The following NFX1 variants were observed in gnomAD, a reference collection of about 807,000 sequenced individuals.
NFX1 encodes nuclear transcription factor, X-box binding 1, also known as transcriptional repressor NF-X1.
In NFX1, 69 loss-of-function variants were observed where a neutral mutation model predicts 137.2. The ratio of observed to expected loss-of-function variants is 0.50; its 90% CI spans 0.41 to 0.61. The LOEUF is 0.61. Among genes scored for constraint, NFX1 ranks in the 20% least tolerant of loss-of-function variants. The pLI is 0.00. For synonymous variants in NFX1, 495 were observed against 474.1 expected (o/e 1.04, Z -0.57); for missense variants, 1,167 against 1,391.0 (o/e 0.84, Z 2.56).
chr9:33,335,875 ATTCC>A (rs1822984447), intron 11 of NFX1, among the ~76,000 whole-genome samples: 1 of 152,210 alleles, frequency 6.6e-6, no homozygotes. Context: ...TCAGCACTTC[ATTCC>A]TTTTTATGAT....
intron 2 of NFX1, among the ~76,000 whole-genome samples, chr9:33,297,447 G>A (rs1056646269): frequency 6.6e-6 from 1 of 152,186 alleles, no homozygotes; most frequent in East Asian, 1.9e-4. Context: ...ATTACCTCTT[G>A]CTTTATAGTG....
intron 6 of NFX1, among the ~76,000 whole-genome samples, chr9:33,312,810 G>A (rs1225397955): frequency 6.6e-6 from 1 of 152,222 alleles, no homozygotes; most frequent in Non-Finnish European, 1.5e-5. Flanking sequence ...GGTGGAGGTT[G>A]CAGTGAGCCG....
intron 7 of NFX1, among the ~76,000 whole-genome samples, chr9:33,315,869 G>A (rs1822144753): frequency 7.0e-6 from 1 of 142,964 alleles, no homozygotes; most frequent in Non-Finnish European, 1.5e-5. Context: ...TCCAGCCTAG[G>A]TGACAGTACC....
At chr9:33,340,570 A>G (rs1823184106) in intron 12 of NFX1, among the ~76,000 whole-genome samples, 1 of 152,206 alleles carries the variant, frequency 6.6e-6, no homozygotes, top group Non-Finnish European at 1.5e-5. Context: ...CACTTATGCA[A>G]ATTTCTGCAG....
chr9:33,342,497 A>G (rs1298794770), intron 12 of NFX1, among the ~76,000 whole-genome samples: 1 of 152,216 alleles, frequency 6.6e-6, no homozygotes, highest in Non-Finnish European at 1.5e-5. Context: ...TATATGCAGA[A>G]GCAGAGAGAC....
intron 6 of NFX1, among the ~76,000 whole-genome samples, chr9:33,312,754 C>T (rs776485537): frequency 6.6e-6 from 1 of 152,144 alleles, no homozygotes; most frequent in Non-Finnish European, 1.5e-5. Flanking sequence ...GCCTGTAGCC[C>T]CAGCTACTGG....
At chr9:33,350,869 A>G (rs549531919) in intron 15 of NFX1, among the ~76,000 whole-genome samples, 1 of 152,294 alleles carries the variant, frequency 6.6e-6, no homozygotes, top group East Asian at 1.9e-4. Context: ...AACTGAGCTG[A>G]GTGTGGTGGT....
intron 9 of NFX1, among the ~76,000 whole-genome samples, chr9:33,327,546 T>A (rs1435920879): frequency 6.6e-6 from 1 of 151,852 alleles, no homozygotes; most frequent in Non-Finnish European, 1.5e-5. Flanking sequence ...TTTGTATTTT[T>A]AGTAGAGACA....
chr9:33,316,265 T>G (rs1309184538), intron 7 of NFX1, among the ~76,000 whole-genome samples: 1 of 152,184 alleles, frequency 6.6e-6, no homozygotes, highest in Non-Finnish European at 1.5e-5. Flanking sequence ...GGATCTGTAA[T>G]TAACAGGAAG....
chr9:33,359,281 T>C (rs1455003912), intron 19 of NFX1, among the ~76,000 whole-genome samples: 13 of 152,102 alleles, frequency 8.5e-5, no homozygotes, highest in Non-Finnish European at 1.6e-4. Context: ...CTTCAGTATA[T>C]TGTTGAATGG....
rs376633595 is a variant in NFX1, at chr9:33,367,437, G to A, written c.3186-78G>A. 7.7e-5 allele frequency: 113 copies of A among 1,467,184 alleles called. No homozygotes were observed. The African/African-American group carries it at 1.3e-3, about 17-fold the overall frequency. 90.9% of individuals were successfully genotyped at this position (1,467,184 alleles called of 1,614,324 possible). On this transcript the variant is annotated intron_variant, in intron 22 of 23. Transcript: ENST00000379540. ...AGTAGTGTCATAGTGCCAAAATCAA[G>A]GGCTGAGTTTCTAGCTTTCTGTCCA... is the stretch of plus-strand genomic sequence containing the variant.
At chr9:33,306,711 C>A (rs899341018) in intron 4 of NFX1, among the ~76,000 whole-genome samples, 5 of 152,138 alleles carry the variant, frequency 3.3e-5, no homozygotes, top group Admixed American at 1.3e-4. Flanking sequence ...AGTATAAGGT[C>A]TTTTATGCCG....
At chr9:33,339,448 A>G (rs767716580) in intron 12 of NFX1, among the ~76,000 whole-genome samples, 11 of 152,188 alleles carry the variant, frequency 7.2e-5, no homozygotes, top group Non-Finnish European at 1.5e-4. Flanking sequence ...CCACGATTCA[A>G]TTACCTCCCA....
intron 13 of NFX1, among the ~76,000 whole-genome samples, chr9:33,343,247 G>A (rs1823293269): frequency 6.6e-6 from 1 of 152,014 alleles, no homozygotes; most frequent in Non-Finnish European, 1.5e-5. Flanking sequence ...TATGTGAATT[G>A]TATTTATCTT....
intron 16 of NFX1, chr9:33,352,420 C>A (rs757961704): frequency 6.2e-6 from 4 of 644,268 alleles, no homozygotes; most frequent in South Asian, 6.0e-5. Flanking sequence ...GGATTAAGAA[C>A]AGAGGTGGTT....
chr9:33,324,985 TGAA>T, intron 9 of NFX1, among the ~76,000 whole-genome samples: 1 of 148,734 alleles, frequency 6.7e-6, no homozygotes, highest in East Asian at 2.0e-4. Flanking sequence ...GAAAATATAA[TGAA>T]GAGAAATGAA....
chr9:33,369,776 G>A (rs1824273613), intron 23 of NFX1, 130 bp from the exon 24 acceptor site: 1 of 742,944 alleles, frequency 1.3e-6, no homozygotes, highest in Non-Finnish European at 2.2e-6. Flanking sequence ...AAAAAAGTAA[G>A]ACTAAAATAA....
chr9:33,348,095 A>C (rs1823497779), intron 15 of NFX1: 1 of 152,380 alleles, frequency 6.6e-6, no homozygotes, highest in South Asian at 2.1e-4. Flanking sequence ...TCATGCCTAT[A>C]ATCCCAGCAC....
intron 9 of NFX1, among the ~76,000 whole-genome samples, chr9:33,323,412 A>G (rs997509375): frequency 1.3e-5 from 2 of 152,204 alleles, no homozygotes; most frequent in Non-Finnish European, 2.9e-5. Flanking sequence ...TGTGAGAGTG[A>G]CCAGATGTCA....
Sources: gnomAD v4.1 joint callset for allele counts (sites outside exome capture counted in the v4.1 genomes callset) on GRCh38, gnomAD v4.1.1 for gene constraint, MANE v1.5 for transcripts, NCBI Gene and HGNC (gene_info 2026-07-23, HGNC 2026-07-21) for gene names.